The following PIAS4 variants were observed in gnomAD, a reference collection of about 807,000 sequenced individuals.
PIAS4 encodes E3 SUMO-protein ligase PIAS4.
Under a neutral mutation model 58.0 loss-of-function variants are expected in PIAS4, and 7 were observed. The ratio of observed to expected loss-of-function variants is 0.12; its 90% CI spans 0.07 to 0.23. The LOEUF is 0.23. Among genes scored for constraint, PIAS4 ranks in the 10% least tolerant of loss-of-function variants. The pLI, the probability that PIAS4 is intolerant of heterozygous loss-of-function variation, is 1.00. For synonymous variants in PIAS4, 364 were observed against 312.4 expected (o/e 1.17, Z -1.74); for missense variants, 550 against 709.5 (o/e 0.78, Z 2.55).
chr19:4,037,389 C>G lies in PIAS4; in HGVS notation c.1158C>G (p.Ile386Met). 1 of 1,608,690 alleles carries G rather than the reference C, an allele frequency of 6.2e-7. No homozygotes were observed. Among genetic ancestry groups the G allele is most frequent in the Non-Finnish European group, 8.5e-7 (1 of 1,177,052 alleles). ...QLIIDGLLSKILSECEDADEI... is the reference protein window; with the variant it reads ...QLIIDGLLSKMLSECEDADEI... ...CTCGCCCCAGGCTCCTCTCGAAGATCCTGAGCGAGTGTGAGGACGCCGACG... is the reference window on the plus strand; with the variant it reads ...CTCGCCCCAGGCTCCTCTCGAAGATGCTGAGCGAGTGTGAGGACGCCGACG... The change falls in exon 10 of 11, where the codon ATC becomes ATG. Residue 386 changes from isoleucine to methionine, a missense_variant. This residue lies in a region of PIAS4 where 188 missense variants were observed against 192.0 expected (regional missense o/e 0.98). Transcript: ENST00000262971. This position sits in a 1 kb window ranked among gnomAD's most constrained non-coding sequence, Gnocchi z 5.8.
intron 1 of PIAS4, among the ~76,000 whole-genome samples, chr19:4,008,202 G>C (rs1303692085): frequency 1.3e-5 from 2 of 152,092 alleles, no homozygotes; most frequent in Non-Finnish European, 2.9e-5. Flanking sequence ...GTGTTGGGGG[G>C]AGTGTCTGCG....
At position 4,039,170 on chromosome 19, in the gene PIAS4, CAG is replaced by C. The variant is rs1409363625; in HGVS notation, c.*1297_*1298del. The C allele has an allele frequency of 6.6e-6, 1 of 152,282 alleles. No homozygotes were observed. The highest frequency in any genetic ancestry group is 2.4e-5 in the African/African-American group (1 of 41,464). The allele number at this position is 152,282 out of a possible 1,614,324, so 9.4% of individuals were successfully genotyped here. On this transcript the variant is annotated 3_prime_UTR_variant, in exon 11 of 11. Coordinates refer to ENST00000262971, the MANE Select transcript of PIAS4 (RefSeq NM_015897.4). ...AGCCCAGAATTTTCCTTTGTATAAA[CAG>C]AACTCCTAGTCAGGAAGCAATATCA...
At chr19:4,028,097 C>T in intron 3 of PIAS4, 49 bp from the exon 4 acceptor site, 9 of 1,592,898 alleles carry the variant, frequency 5.7e-6, no homozygotes, top group Non-Finnish European at 7.8e-6. Flanking sequence ...GTCACGCCCT[C>T]CTCACTCAGC....
chr19:4,024,759 T>C (rs1358875489), intron 3 of PIAS4, among the ~76,000 whole-genome samples: 1 of 22,776 alleles, frequency 4.4e-5, no homozygotes, highest in Non-Finnish European at 1.1e-4. Flanking sequence ...CAGGTGTTTT[T>C]TTGTTTTTTT....
chr19:4,020,500 C>A (rs1396581259), intron 2 of PIAS4, among the ~76,000 whole-genome samples: 1 of 151,368 alleles, frequency 6.6e-6, no homozygotes, highest in African/African-American at 2.4e-5. Flanking sequence ...TTCTCGCTCC[C>A]CCACGCTCTT....
At chr19:4,026,046 C>T (rs568199206) in intron 3 of PIAS4, among the ~76,000 whole-genome samples, 4 of 127,818 alleles carry the variant, frequency 3.1e-5, no homozygotes, top group African/African-American at 1.4e-4. Flanking sequence ...TGCACTCCAG[C>T]CTGGGCAACA....
chr19:4,036,255 A>T lies in PIAS4; in HGVS notation c.1143-1119A>T, dbSNP rs539321445. ...ACACATCTATACAGTCCACACCATCACATGCACACACATCTATATGGTCTA... is the reference window on the plus strand; with the variant it reads ...ACACATCTATACAGTCCACACCATCTCATGCACACACATCTATATGGTCTA... On this transcript the variant is annotated intron_variant, in intron 9 of 10. Transcript: ENST00000262971. 8.2e-5 allele frequency among the ~76,000 whole-genome samples: 10 copies of T among 122,242 alleles called. 1 individual carries two copies. Among genetic ancestry groups the T allele is most frequent in the African/African-American group, 2.1e-4 (8 of 38,872 alleles). The allele number at this position is 122,242 out of a possible 152,430, so 80.2% of individuals were successfully genotyped here.
intron 3 of PIAS4, among the ~76,000 whole-genome samples, chr19:4,027,672 T>C (rs558327068): frequency 2.7e-5 from 4 of 147,256 alleles, no homozygotes; most frequent in Non-Finnish European, 6.0e-5. Flanking sequence ...ACGATCCCCC[T>C]GCCTCAGCCT....
chr19:4,016,811 A>AT (rs2040057341), intron 2 of PIAS4, among the ~76,000 whole-genome samples: 3 of 152,178 alleles, frequency 2.0e-5, no homozygotes, highest in Non-Finnish European at 4.4e-5. Flanking sequence ...CATTGTGGCC[A>AT]GAACATGGTG....
At chr19:4,026,289 C>T (rs949634002) in intron 3 of PIAS4, among the ~76,000 whole-genome samples, 2 of 133,172 alleles carry the variant, frequency 1.5e-5, no homozygotes, top group Non-Finnish European at 3.0e-5. Context: ...CGCACCACCA[C>T]GCCTGGCTAA....
At chr19:4,027,432 G>A (rs2040177009) in intron 3 of PIAS4, among the ~76,000 whole-genome samples, 1 of 152,214 alleles carries the variant, frequency 6.6e-6, no homozygotes, top group African/African-American at 2.4e-5. Context: ...GGACACTCAG[G>A]ATGCTGCTAG....
chr19:4,021,617 T>C (rs2040109717), intron 2 of PIAS4, among the ~76,000 whole-genome samples: 1 of 152,204 alleles, frequency 6.6e-6, no homozygotes, highest in Non-Finnish European at 1.5e-5. Context: ...AGAGTTATGC[T>C]GGCCTTGTAA....
At chr19:4,015,264 G>A (rs1282541957) in intron 2 of PIAS4, among the ~76,000 whole-genome samples, 2 of 152,198 alleles carry the variant, frequency 1.3e-5, no homozygotes, top group African/African-American at 2.4e-5. Context: ...TCCTGGGAGC[G>A]GCAGGGCAGG....
intron 7 of PIAS4, among the ~76,000 whole-genome samples, chr19:4,032,864 C>G (rs906855805): frequency 6.6e-6 from 1 of 152,166 alleles, no homozygotes; most frequent in Non-Finnish European, 1.5e-5. Context: ...AGGCCACCTC[C>G]GTGTGGGGGC....
intron 7 of PIAS4, 148 bp from the exon 8 acceptor site, chr19:4,032,952 C>T (rs1241100111): frequency 2.3e-5 from 15 of 643,848 alleles, no homozygotes; most frequent in African/African-American, 1.3e-4. Flanking sequence ...CAATCCCTCA[C>T]GGCCCCGAGC....
chr19:4,029,072 A>C, intron 7 of PIAS4, 36 bp downstream of exon 7: 1 of 1,488,854 alleles, frequency 6.7e-7, no homozygotes, highest in Non-Finnish European at 9.2e-7. Context: ...GAGGGGTGCC[A>C]AGTCCACCCT....
chr19:4,008,973 C>G (rs1307344639), intron 1 of PIAS4, among the ~76,000 whole-genome samples: 1 of 152,170 alleles, frequency 6.6e-6, no homozygotes, highest in Non-Finnish European at 1.5e-5. Context: ...CCCATAGATA[C>G]CATCTCCTAG....
intron 1 of PIAS4, among the ~76,000 whole-genome samples, chr19:4,012,500 C>T (rs1367069534): frequency 2.0e-5 from 3 of 152,240 alleles, no homozygotes; most frequent in Admixed American, 1.3e-4. Context: ...GCCCGCCCAG[C>T]CAGTGCTTTA....
chr19:4,020,130 A>G (rs1185191953), intron 2 of PIAS4, among the ~76,000 whole-genome samples: 2 of 152,018 alleles, frequency 1.3e-5, no homozygotes, highest in Non-Finnish European at 2.9e-5. Flanking sequence ...GTTAGCCAGG[A>G]TGGTCTCTAT....
Sources: gnomAD v4.1 joint callset for allele counts (sites outside exome capture counted in the v4.1 genomes callset) on GRCh38, gnomAD v4.1.1 for gene constraint, gnomAD v4.1.1 regional missense constraint, Gnocchi (gnomAD v3.1) non-coding constraint, MANE v1.5 for transcripts, NCBI Gene and HGNC (gene_info 2026-07-23, HGNC 2026-07-21) for gene names.